POLN: variants seen among roughly 807,000 people sequenced by gnomAD.
POLN encodes DNA polymerase N.
A neutral mutation model predicts 113.5 loss-of-function variants in POLN; 108 were observed. That is an observed-to-expected ratio of 0.95 (90% confidence interval 0.81 to 1.12). POLN has a LOEUF of 1.12. POLN is among the 50% of genes most tolerant of loss of function. The pLI is 0.00. For missense variants in POLN, 1,097 were observed against 1,077.1 expected (o/e 1.02, Z -0.26); for synonymous variants, 386 against 391.5 (o/e 0.99, Z 0.17).
chr4:2,080,843 G>A, intron 23 of POLN, 115 bp downstream of exon 23: 1 of 1,581,144 alleles, frequency 6.3e-7, no homozygotes, highest in Non-Finnish European at 8.6e-7. Flanking sequence ...CCTCAGGAGG[G>A]GACGGGGGCC....
chr4:2,176,138 G>C, intron 9 of POLN, 128 bp downstream of exon 9: 1 of 768,244 alleles, frequency 1.3e-6, no homozygotes, highest in South Asian at 1.6e-5. Flanking sequence ...GTAATGCACA[G>C]GTTAATTTGT....
chr4:2,218,762 T>C (rs569592621), intron 3 of POLN, among the ~76,000 whole-genome samples: 13 of 152,338 alleles, frequency 8.5e-5, no homozygotes, highest in Non-Finnish European at 1.5e-4. Flanking sequence ...TTGCATTTCA[T>C]ATACCTGAGG....
intron 13 of POLN, among the ~76,000 whole-genome samples, chr4:2,166,698 C>T (rs1732737047): frequency 6.6e-6 from 1 of 152,116 alleles, no homozygotes; most frequent in African/African-American, 2.4e-5. Context: ...CTTCTCCTAC[C>T]TTTGGACACC....
chr4:2,109,759 C>T (rs1407588501), intron 19 of POLN, among the ~76,000 whole-genome samples: 1 of 152,144 alleles, frequency 6.6e-6, no homozygotes, highest in Non-Finnish European at 1.5e-5. Flanking sequence ...AACCTGTCTA[C>T]ACATGTATAT....
intron 16 of POLN, among the ~76,000 whole-genome samples, chr4:2,135,784 C>T (rs946808605): frequency 8.5e-5 from 13 of 152,196 alleles, no homozygotes; most frequent in African/African-American, 2.9e-4. Flanking sequence ...CCCATGAGAG[C>T]ATCGAAGTCA....
chr4:2,122,000 T>A (rs935861072), intron 19 of POLN, among the ~76,000 whole-genome samples: 3 of 152,152 alleles, frequency 2.0e-5, no homozygotes, highest in Non-Finnish European at 2.9e-5. Context: ...CATATCCTTT[T>A]CCCAGTACTT....
chr4:2,192,703 C>CA, intron 7 of POLN, among the ~76,000 whole-genome samples: 1 of 151,954 alleles, frequency 6.6e-6, no homozygotes, highest in South Asian at 2.1e-4. Flanking sequence ...TGCAGTGGCT[C>CA]ACGCCTATAA....
chr4:2,155,639 A>G (rs1382888511), intron 16 of POLN, among the ~76,000 whole-genome samples: 1 of 152,184 alleles, frequency 6.6e-6, no homozygotes, highest in Non-Finnish European at 1.5e-5. Flanking sequence ...AAACCTCCAC[A>G]TACTTGTATT....
intron 5 of POLN, among the ~76,000 whole-genome samples, chr4:2,203,328 T>A (rs888613892): frequency 5.3e-5 from 8 of 152,064 alleles, no homozygotes; most frequent in Non-Finnish European, 1.2e-4. Flanking sequence ...ACGCCTGTAA[T>A]CCCAGCACTT....
intron 19 of POLN, among the ~76,000 whole-genome samples, chr4:2,096,476 T>G (rs899960363): frequency 6.6e-6 from 1 of 152,036 alleles, no homozygotes; most frequent in Non-Finnish European, 1.5e-5. Context: ...TCTCCAGAGA[T>G]TAAAGCTGAG....
intron 13 of POLN, among the ~76,000 whole-genome samples, chr4:2,167,085 A>G (rs1360649841): frequency 6.6e-6 from 1 of 152,206 alleles, no homozygotes. Flanking sequence ...AGCCAGGGCC[A>G]CAATAGTGTT....
intron 6 of POLN, among the ~76,000 whole-genome samples, chr4:2,196,188 G>T (rs1041456350): frequency 1.3e-5 from 2 of 152,092 alleles, no homozygotes; most frequent in Non-Finnish European, 2.9e-5. Flanking sequence ...TGGGACATAC[G>T]TATACTAAGA....
chr4:2,240,682 A>T, intron 2 of POLN: 1 of 1,614,038 alleles, frequency 6.2e-7, no homozygotes, highest in East Asian at 2.2e-5. Flanking sequence ...GGTGTCTTCA[A>T]ATCAGAAGTT....
chr4:2,088,210 A>T (rs532172796), intron 20 of POLN, among the ~76,000 whole-genome samples: 1 of 152,326 alleles, frequency 6.6e-6, no homozygotes, highest in African/African-American at 2.4e-5. Flanking sequence ...AGATTTTCTA[A>T]TAGAAAAATT....
intron 16 of POLN, among the ~76,000 whole-genome samples, chr4:2,142,783 T>C (rs1732034732): frequency 6.6e-6 from 1 of 151,518 alleles, no homozygotes; most frequent in Non-Finnish European, 1.5e-5. Context: ...ACTATACTAC[T>C]CCAGCCAAAC....
Position 2,120,488 on chromosome 4 carries a change from T to C in POLN, c.1982+7625A>G, listed in dbSNP as rs769097825. On this transcript the variant is annotated intron_variant, in intron 19 of 25. Coordinates refer to ENST00000511885, the MANE Select transcript of POLN (RefSeq NM_181808.4). ...TAACTGAAATTTAAGTACTTTATTATCTATAGAGTGATTTTTTTTTTTTGA... is the reference window on the plus strand; with the variant it reads ...TAACTGAAATTTAAGTACTTTATTACCTATAGAGTGATTTTTTTTTTTTGA... 9.2e-4 allele frequency among the ~76,000 whole-genome samples: 140 copies of C among 152,138 alleles called. 3 individuals are homozygous for C. The highest frequency in any genetic ancestry group is 2.1e-4 in the Non-Finnish European group (14 of 68,020).
intron 23 of POLN, chr4:2,080,330 C>T: frequency 9.9e-7 from 1 of 1,008,356 alleles, no homozygotes; most frequent in Non-Finnish European, 1.2e-6. Flanking sequence ...GGACAGAGGC[C>T]TGAGAGAGCT....
intron 17 of POLN, among the ~76,000 whole-genome samples, chr4:2,129,463 A>G (rs1035224237): frequency 2.6e-4 from 39 of 151,962 alleles, no homozygotes; most frequent in African/African-American, 9.4e-4. Flanking sequence ...ATCATAGCTC[A>G]CTGCAGCCTC....
At chr4:2,214,223 A>G (rs1734060268) in intron 3 of POLN, among the ~76,000 whole-genome samples, 1 of 152,124 alleles carries the variant, frequency 6.6e-6, no homozygotes, top group African/African-American at 2.4e-5. Context: ...GTTACAGGGC[A>G]AGACTCTGTC....
Sources: allele counts gnomAD v4.1 joint callset (sites outside exome capture counted in the v4.1 genomes callset), GRCh38; gene constraint gnomAD v4.1.1; transcripts MANE v1.5; gene names NCBI Gene and HGNC (gene_info 2026-07-23, HGNC 2026-07-21).